TXNRD3: variants seen among roughly 807,000 people sequenced by gnomAD.
The protein encoded by TXNRD3 is TXNRD3 neighbor gene protein.
Under a neutral mutation model 78.2 loss-of-function variants are expected in TXNRD3, and 68 were observed. The ratio of observed to expected loss-of-function variants is 0.87; its 90% CI spans 0.72 to 1.06. The LOEUF (loss-of-function observed/expected upper bound fraction) is 1.06, where lower values mean the gene tolerates loss of function less well. TXNRD3 is among the 50% of genes least tolerant of loss of function. TXNRD3 has a pLI of 0.00. For synonymous variants in TXNRD3, 296 were observed against 300.1 expected, an observed-to-expected ratio of 0.99 and a Z score of 0.14; for missense variants, 751 against 809.5, an observed-to-expected ratio of 0.93 and a Z score of 0.88.
intron 12 of TXNRD3, among the ~76,000 whole-genome samples, chr3:126,619,109 T>C (rs1938384620): frequency 6.6e-6 from 1 of 152,084 alleles, no homozygotes; most frequent in Non-Finnish European, 1.5e-5. Flanking sequence ...TTACATACTG[T>C]TAGTGAGAAT....
chr3:126,623,927 T>C (rs906545857), intron 10 of TXNRD3, among the ~76,000 whole-genome samples: 10 of 150,988 alleles, frequency 6.6e-5, no homozygotes, highest in Admixed American at 1.3e-4. Context: ...TTTGTAGATA[T>C]GAATCCTAAG....
chr3:126,651,623 T>C (rs1226570716), intron 1 of TXNRD3, among the ~76,000 whole-genome samples: 1 of 152,138 alleles, frequency 6.6e-6, no homozygotes. Flanking sequence ...TTATGCAAAC[T>C]ACAAAGGACA....
chr3:126,608,527 GTGTCATCAAGTAGC>G lies in TXNRD3; in HGVS notation c.1821_1834del (p.Gln607HisfsTer56). On this transcript the variant is annotated frameshift_variant, in exon 15 of 16. Transcript: ENST00000524230. LOFTEE classifies it high-confidence loss of function. Reference sequence around the variant, plus strand: ...CCCACATGTGGGGTGAATTCCAATGGTGTCATCAAGTAGCTGTTTTGTGAGCCCACATTTCATTG... The same window carrying G: ...CCCACATGTGGGGTGAATTCCAATGGTGTTTTGTGAGCCCACATTTCATTG... 6.5e-7 allele frequency: 1 copy of G among 1,535,472 alleles called. No homozygotes were observed. The highest frequency in any genetic ancestry group is 8.7e-7 in the Non-Finnish European group (1 of 1,146,688).
At chr3:126,630,064 G>A (rs1472948456) in intron 9 of TXNRD3, among the ~76,000 whole-genome samples, 1 of 152,264 alleles carries the variant, frequency 6.6e-6, no homozygotes, top group South Asian at 2.1e-4. Context: ...GCTGGAGTCT[G>A]TAGGTTGAGT....
At position 126,633,991 on chromosome 3, in the gene TXNRD3, C is replaced by A; in HGVS notation, c.773G>T (p.Trp258Leu). The change falls in exon 7 of 16, where the codon TGG becomes TTG. Residue 258 changes from tryptophan (W) to leucine (L), a missense_variant. Coordinates refer to ENST00000524230, the MANE Select transcript of TXNRD3 (RefSeq NM_052883.3). ...TTCCCTCAGAGACAACCTGTAGCCCCAGTTTAGAGAGCTGATGTGGTTCTG... is the reference window on the plus strand; with the variant it reads ...TTCCCTCAGAGACAACCTGTAGCCCAAGTTTAGAGAGCTGATGTGGTTCTG... 1 of 1,529,842 alleles carries A rather than the reference C, an allele frequency of 6.5e-7. No homozygotes were observed. Among genetic ancestry groups the A allele is most frequent in the Non-Finnish European group, 8.7e-7 (1 of 1,143,294 alleles). The allele number at this position is 1,529,842 out of a possible 1,614,324, so 94.8% of individuals were successfully genotyped here.
intron 3 of TXNRD3, 95 bp downstream of exon 3, chr3:126,646,016 G>C (rs1933220432): frequency 1.2e-6 from 1 of 865,204 alleles, no homozygotes; most frequent in Non-Finnish European, 1.7e-6. Context: ...ACTTCCAAAA[G>C]ATGAGTGGAC....
At chr3:126,642,673 C>G (rs1013044741) in intron 5 of TXNRD3, among the ~76,000 whole-genome samples, 3 of 151,802 alleles carry the variant, frequency 2.0e-5, no homozygotes, top group Non-Finnish European at 2.9e-5. Flanking sequence ...TATTTCTGGA[C>G]AAGAAAGGGA....
chr3:126,625,233 C>T (rs1191210469), intron 10 of TXNRD3: 1 of 150,784 alleles, frequency 6.6e-6, no homozygotes, highest in Non-Finnish European at 1.5e-5. Flanking sequence ...TATACATGTG[C>T]CATGTTGGTG....
rs866107569 is a variant in TXNRD3, at chr3:126,647,244, T to C, written c.296A>G (p.Asp99Gly). The stretch of plus-strand genomic sequence containing the variant: ...GTAACTGGTCTACTTACCAACTTGA[T>C]CAAGTTCCAAGACATTACATTCGAC... Residue 99 changes from aspartate to glycine, a missense_variant, in exon 2 of 16, where the codon GAT becomes GGT. Physicochemically the swap from Asp to Gly is moderately conservative, Grantham distance 94. Coordinates refer to ENST00000524230, the MANE Select transcript of TXNRD3 (RefSeq NM_052883.3). The C allele has an allele frequency of 3.0e-5, 46 of 1,535,028 alleles. No homozygotes were observed. In the African/African-American group the frequency reaches 5.9e-4, roughly 20 times the overall value.
chr3:126,648,336 T>C (rs1933290415), intron 1 of TXNRD3, among the ~76,000 whole-genome samples: 1 of 150,902 alleles, frequency 6.6e-6, no homozygotes, highest in Admixed American at 6.6e-5. Flanking sequence ...CTTTTCAAAA[T>C]CCCAATGATC....
rs1938788676 is a variant in TXNRD3, at chr3:126,633,962, C to G, written c.802G>C (p.Ala268Pro). 2.0e-6 allele frequency: 3 copies of G among 1,520,742 alleles called. No individual in the cohort carries two copies. The highest frequency in any genetic ancestry group is 1.2e-5 in the South Asian group (1 of 80,948). The allele number at this position is 1,520,742 out of a possible 1,614,324, so 94.2% of individuals were successfully genotyped here. The change falls in exon 7 of 16, where the codon GCT becomes CCT. Residue 268 changes from alanine (A) to proline (P), a missense_variant. Ala to Pro is a conservative substitution (Grantham distance 27, BLOSUM62 -1). Transcript: ENST00000524230. ...CCATAGGAATTGACATAGGCCACAG[C>G]CTTTTCCCTCAGAGACAACCTGTAG...
At chr3:126,632,931 G>A (rs1938758525) in intron 7 of TXNRD3, among the ~76,000 whole-genome samples, 1 of 152,126 alleles carries the variant, frequency 6.6e-6, no homozygotes, top group African/African-American at 2.4e-5. Flanking sequence ...CCACACAACA[G>A]GCAGGCTTGG....
At chr3:126,652,383 T>C (rs1180304763) in intron 1 of TXNRD3, among the ~76,000 whole-genome samples, 2 of 152,152 alleles carry the variant, frequency 1.3e-5, no homozygotes, top group Non-Finnish European at 2.9e-5. Context: ...ACCTCCAGCA[T>C]TAGGGATTAC....
intron 1 of TXNRD3, among the ~76,000 whole-genome samples, chr3:126,650,919 G>T (rs1239342749): frequency 6.6e-6 from 1 of 151,936 alleles, no homozygotes; most frequent in Admixed American, 6.6e-5. Context: ...TTTTTCTTAC[G>T]CACTTCTTTC....
At chr3:126,647,417 G>A (rs1449870075) in intron 1 of TXNRD3, 121 bp from the exon 2 acceptor site, 4 of 717,668 alleles carry the variant, frequency 5.6e-6, no homozygotes, top group African/African-American at 1.8e-5. Flanking sequence ...TCTAGCCAAC[G>A]TGTGGTTTTT....
chr3:126,631,802 A>T lies in TXNRD3; in HGVS notation c.933T>A (p.Tyr311Ter), dbSNP rs1036884587. ...ATTCTTTATCTCCTTGGATTCCTAA[A>T]TACCGTGGCCTTTCACCCGTTGCTA... Residue 311 changes from tyrosine (Y) to a stop codon, truncating the protein, a stop_gained, in exon 8 of 16, where the codon TAT becomes TAA. Transcript: ENST00000524230. LOFTEE classifies it high-confidence loss of function. 4.6e-6 allele frequency: 7 copies of T among 1,535,818 alleles called. No individual in the cohort carries two copies. The African/African-American group carries it at 9.6e-5, about 21-fold the overall frequency.
At chr3:126,649,993 G>GT (rs907194974) in intron 1 of TXNRD3, among the ~76,000 whole-genome samples, 1 of 152,174 alleles carries the variant, frequency 6.6e-6, no homozygotes, top group African/African-American at 2.4e-5. Context: ...GTTAAAAATG[G>GT]TAAGTTTTAT....
At chr3:126,650,108 G>C (rs997876006) in intron 1 of TXNRD3, among the ~76,000 whole-genome samples, 3 of 152,162 alleles carry the variant, frequency 2.0e-5, no homozygotes, top group Non-Finnish European at 4.4e-5. Context: ...GGGAAACATG[G>C]CTTAAAATTA....
chr3:126,626,313 C>T (rs1938578145), intron 10 of TXNRD3, among the ~76,000 whole-genome samples: 1 of 152,090 alleles, frequency 6.6e-6, no homozygotes, highest in South Asian at 2.1e-4. Context: ...ACTTCATAAA[C>T]ATTTAAAACT....
Sources: allele counts gnomAD v4.1 joint callset (sites outside exome capture counted in the v4.1 genomes callset), GRCh38; gene constraint gnomAD v4.1.1; transcripts MANE v1.5; gene names NCBI Gene and HGNC (gene_info 2026-07-23, HGNC 2026-07-21).